The following TMEM135 variants were observed in gnomAD, a reference collection of about 807,000 sequenced individuals.
The protein encoded by TMEM135 is transmembrane protein 135, also known as peroxisomal membrane protein 52.
In TMEM135, 30 loss-of-function variants were observed where a neutral mutation model predicts 60.3. The ratio of observed to expected loss-of-function variants is 0.50; its 90% CI spans 0.37 to 0.68. The LOEUF is 0.68. Ranked by LOEUF, TMEM135 falls within the 30% of genes least tolerant of loss-of-function variation. The probability of loss-of-function intolerance (pLI) is 0.00; values close to 1 mark genes in which losing one functional copy is unlikely to be tolerated. For synonymous variants in TMEM135, 190 were observed against 186.7 expected, an observed-to-expected ratio of 1.02 and a Z score of -0.14; for missense variants, 468 against 548.8, an observed-to-expected ratio of 0.85 and a Z score of 1.47.
At chr11:87,181,440 T>G (rs1939512876) in intron 5 of TMEM135, among the ~76,000 whole-genome samples, 1 of 152,216 alleles carries the variant, frequency 6.6e-6, no homozygotes, top group Non-Finnish European at 1.5e-5. Flanking sequence ...CGTTCATCTT[T>G]GGTGAAAGAC....
At chr11:87,248,485 C>G (rs936519378) in intron 6 of TMEM135, among the ~76,000 whole-genome samples, 3 of 152,116 alleles carry the variant, frequency 2.0e-5, no homozygotes, top group Admixed American at 6.5e-5. Context: ...TACCTGCTTG[C>G]CATTTGTATG....
At chr11:87,236,151 C>G (rs573668617) in intron 5 of TMEM135, among the ~76,000 whole-genome samples, 1 of 151,318 alleles carries the variant, frequency 6.6e-6, no homozygotes, top group Non-Finnish European at 1.5e-5. Context: ...TTTTGTGAAC[C>G]CTGTTACCCT....
chr11:87,162,687 A>G (rs1374719357), intron 5 of TMEM135, among the ~76,000 whole-genome samples: 1 of 152,158 alleles, frequency 6.6e-6, no homozygotes, highest in Non-Finnish European at 1.5e-5. Context: ...ACATACGTGT[A>G]CATGTGTCTT....
At chr11:87,077,028 A>G (rs921662819) in intron 3 of TMEM135, among the ~76,000 whole-genome samples, 3 of 152,202 alleles carry the variant, frequency 2.0e-5, no homozygotes, top group Non-Finnish European at 2.9e-5. Flanking sequence ...GTACATGTCT[A>G]TGCAGTTTGT....
intron 6 of TMEM135, among the ~76,000 whole-genome samples, chr11:87,294,351 A>G (rs991351544): frequency 5.3e-5 from 8 of 152,236 alleles, no homozygotes; most frequent in African/African-American, 1.9e-4. Context: ...TACAGAAGAC[A>G]TAGAGGAATA....
rs1205538874 is a variant in TMEM135, at chr11:87,323,148, A to G, written c.*1815A>G. 4.4e-6 allele frequency: 2 copies of G among 454,098 alleles called. No homozygotes were observed. The highest frequency in any genetic ancestry group is 3.1e-5 in the South Asian group (2 of 64,354). The allele number at this position is 454,098 out of a possible 1,614,324, so 28.1% of individuals were successfully genotyped here. ...TAAAAGACTGTGATATTGAAAGATG[A>G]ATTACGAAATTTGCTGAGATTGTTT... On this transcript the variant is annotated 3_prime_UTR_variant, in exon 15 of 15. Transcript: ENST00000305494.
At chr11:87,317,842 AAC>A (rs1942758661) in intron 12 of TMEM135, among the ~76,000 whole-genome samples, 2 of 152,166 alleles carry the variant, frequency 1.3e-5, no homozygotes, top group African/African-American at 4.8e-5. Flanking sequence ...CAGGGAAGAG[AAC>A]ACATGAGCAC....
chr11:87,066,598 C>CAAAAAAAAA (rs34204350), intron 1 of TMEM135, among the ~76,000 whole-genome samples: 1 of 121,280 alleles, frequency 8.2e-6, no homozygotes, highest in Non-Finnish European at 1.8e-5. Flanking sequence ...CAGAGTTCAC[C>CAAAAAAAAA]AAAAAAAAAA....
At chr11:87,069,895 G>A (rs11234945) in intron 2 of TMEM135, among the ~76,000 whole-genome samples, 11,643 of 152,058 alleles carry the variant, frequency 0.077, 512 homozygotes, top group East Asian at 0.17. Context: ...TTTCAGGCCA[G>A]GTACGGTGGC....
At chr11:87,058,061 C>T (rs1949910372) in intron 1 of TMEM135, among the ~76,000 whole-genome samples, 1 of 152,254 alleles carries the variant, frequency 6.6e-6, no homozygotes, top group African/African-American at 2.4e-5. Flanking sequence ...TGTCCTAGCT[C>T]AAGAAATCAG....
chr11:87,217,697 A>C (rs967048850), intron 5 of TMEM135, among the ~76,000 whole-genome samples: 5 of 152,048 alleles, frequency 3.3e-5, no homozygotes, highest in Non-Finnish European at 7.4e-5. Context: ...AGGCAGGAGA[A>C]TCGCTTGAAC....
intron 10 of TMEM135, among the ~76,000 whole-genome samples, chr11:87,312,421 T>G (rs1267857079): frequency 6.6e-6 from 1 of 151,954 alleles, no homozygotes; most frequent in East Asian, 1.9e-4. Flanking sequence ...GATTTAACAT[T>G]TATCGTTTAT....
intron 8 of TMEM135, 108 bp from the exon 9 acceptor site, chr11:87,305,828 T>C: frequency 4.2e-6 from 1 of 237,770 alleles, no homozygotes. Flanking sequence ...CTTCTCTCTC[T>C]TTTTTTTTTT....
chr11:87,115,170 A>T (rs904587565), intron 4 of TMEM135, among the ~76,000 whole-genome samples: 1 of 152,094 alleles, frequency 6.6e-6, no homozygotes, highest in Non-Finnish European at 1.5e-5. Flanking sequence ...TTATTTAAGA[A>T]ATTTGTGTAG....
rs1177928541 is a variant in TMEM135, at chr11:87,054,385, G to T, written c.142-13309G>T. Among the ~76,000 whole-genome samples the T allele has an allele frequency of 2.0e-5, 3 of 152,146 alleles. No individual in the cohort carries two copies. The East Asian group carries it at 5.8e-4, about 29-fold the overall frequency. Reference sequence around the variant, plus strand: ...GGAGGCAGAGGTTGCGATGAGCCTAGATTGCGCCACTGGACTCCAGCCTGG... The same window carrying T: ...GGAGGCAGAGGTTGCGATGAGCCTATATTGCGCCACTGGACTCCAGCCTGG... On this transcript the variant is annotated intron_variant, in intron 1 of 14. Transcript: ENST00000305494.
chr11:87,250,689 A>C (rs148326905), intron 6 of TMEM135, among the ~76,000 whole-genome samples: 3 of 152,182 alleles, frequency 2.0e-5, no homozygotes, highest in African/African-American at 7.2e-5. Flanking sequence ...GGCCAAATAT[A>C]TGGTCTTAGG....
At chr11:87,262,958 G>C (rs1195142779) in intron 6 of TMEM135, among the ~76,000 whole-genome samples, 1 of 151,222 alleles carries the variant, frequency 6.6e-6, no homozygotes, top group East Asian at 2.0e-4. Context: ...AGTTGTTTTT[G>C]TTATAAGATA....
intron 1 of TMEM135, among the ~76,000 whole-genome samples, chr11:87,047,455 G>A (rs1949806772): frequency 6.6e-6 from 1 of 151,380 alleles, no homozygotes; most frequent in Non-Finnish European, 1.5e-5. Flanking sequence ...GCCAGTGTGT[G>A]CGCGCACCGT....
chr11:87,124,890 T>G (rs1022353297), intron 4 of TMEM135, among the ~76,000 whole-genome samples: 1 of 152,152 alleles, frequency 6.6e-6, no homozygotes, highest in Non-Finnish European at 1.5e-5. Context: ...TTTTATTTAG[T>G]CATATTTATC....
Sources: gnomAD v4.1 joint callset for allele counts (sites outside exome capture counted in the v4.1 genomes callset) on GRCh38, gnomAD v4.1.1 for gene constraint, MANE v1.5 for transcripts, NCBI Gene and HGNC (gene_info 2026-07-23, HGNC 2026-07-21) for gene names.